ROBO1: variants seen among roughly 807,000 people sequenced by gnomAD.
ROBO1 encodes roundabout homolog 1.
A neutral mutation model predicts 195.9 loss-of-function variants in ROBO1; 149 were observed. That is an observed-to-expected ratio of 0.76 (90% CI 0.67 to 0.87). The LOEUF is 0.87. Among genes scored for constraint, ROBO1 ranks in the 40% least tolerant of loss-of-function variants. ROBO1 has a pLI of 0.00. For synonymous variants in ROBO1, 816 were observed against 733.2 expected, an observed-to-expected ratio of 1.11 and a Z score of -1.82; for missense variants, 1,933 against 2,068.3, an observed-to-expected ratio of 0.93 and a Z score of 1.27.
chr3:79,370,777 T>A (rs1471047482), intron 2 of ROBO1, among the ~76,000 whole-genome samples: 1 of 152,046 alleles, frequency 6.6e-6, no homozygotes, highest in Non-Finnish European at 1.5e-5. Flanking sequence ...TACCACCCCA[T>A]CATCTAGGTT....
intron 2 of ROBO1, among the ~76,000 whole-genome samples, chr3:79,424,042 A>G (rs989595510): frequency 6.6e-5 from 10 of 151,958 alleles, no homozygotes; most frequent in African/African-American, 2.4e-4. Flanking sequence ...TAGACATCAT[A>G]TTTACTCTTG....
intron 5 of ROBO1, among the ~76,000 whole-genome samples, chr3:78,718,356 T>C (rs1162417912): frequency 6.6e-6 from 1 of 152,156 alleles, no homozygotes; most frequent in Non-Finnish European, 1.5e-5. Context: ...TCTAATAACT[T>C]AATTTGCCAG....
At chr3:78,618,178 A>G (rs1704242524) in intron 26 of ROBO1, 137 bp from the exon 27 acceptor site, 5 of 856,140 alleles carry the variant, frequency 5.8e-6, no homozygotes, top group Admixed American at 6.6e-5. Context: ...AAACAACTGA[A>G]TATCACAATA....
At chr3:79,174,994 A>C (rs2108711880) in intron 2 of ROBO1, among the ~76,000 whole-genome samples, 1 of 152,252 alleles carries the variant, frequency 6.6e-6, no homozygotes, top group East Asian at 1.9e-4. Context: ...AGGTAGAAAA[A>C]AGTTATTTTT....
intron 2 of ROBO1, among the ~76,000 whole-genome samples, chr3:79,394,413 T>A (rs1324212166): frequency 6.6e-6 from 1 of 152,014 alleles, no homozygotes; most frequent in East Asian, 1.9e-4. Context: ...AAATTGAATT[T>A]AAAAAATCAA....
At chr3:79,642,974 C>T (rs7431788) in intron 1 of ROBO1, among the ~76,000 whole-genome samples, 86,481 of 151,654 alleles carry the variant, frequency 0.57, 24,891 homozygotes, top group South Asian at 0.67. Flanking sequence ...AATTATTGGT[C>T]CTGGGTTTGT....
chr3:79,184,966 C>T (rs966122116), intron 2 of ROBO1, among the ~76,000 whole-genome samples: 4 of 152,084 alleles, frequency 2.6e-5, no homozygotes, highest in African/African-American at 9.7e-5. Flanking sequence ...TGATAATCAG[C>T]CAGACTCTTC....
At chr3:78,741,781 AC>A (rs1398370994) in intron 5 of ROBO1, among the ~76,000 whole-genome samples, 1 of 152,152 alleles carries the variant, frequency 6.6e-6, no homozygotes, top group African/African-American at 2.4e-5. Context: ...AATCTAGCCT[AC>A]CAGTTAAACT....
rs147224771 is a variant in ROBO1 at position 78,695,098 on chromosome 3, A to G, written c.1046-6326T>C. Among the ~76,000 whole-genome samples, 795 of 123,228 alleles carry G rather than the reference A, an allele frequency of 6.5e-3. 3 individuals carry two copies. The highest frequency in any genetic ancestry group is 0.041 in the Middle Eastern group (6 of 148). The allele number at this position is 123,228 out of a possible 152,430, so 80.8% of individuals were successfully genotyped here. A position where few individuals can be genotyped will look rare whatever the true frequency, so the allele number is the denominator to read the frequency against. On this transcript the variant is annotated intron_variant, in intron 8 of 30. Coordinates refer to ENST00000464233, the MANE Select transcript of ROBO1 (RefSeq NM_002941.4). ...GAATTCTTTTATTAATTAAAATCCA[A>G]TGGGTTTAAGAACTTTAGGCTGGGG...
At chr3:79,057,747 A>C (rs547096857) in intron 3 of ROBO1, among the ~76,000 whole-genome samples, 4 of 151,932 alleles carry the variant, frequency 2.6e-5, no homozygotes, top group African/African-American at 7.2e-5. Flanking sequence ...CTGCTCCACA[A>C]AATTATTCTT....
chr3:78,986,005 T>G (rs1222715683), intron 3 of ROBO1, among the ~76,000 whole-genome samples: 2 of 152,064 alleles, frequency 1.3e-5, no homozygotes, highest in African/African-American at 4.8e-5. Context: ...TTAATGATCA[T>G]GCACAAGAAA....
intron 2 of ROBO1, among the ~76,000 whole-genome samples, chr3:79,417,367 CAT>C (rs1300894251): frequency 4.6e-5 from 7 of 152,130 alleles, no homozygotes; most frequent in Non-Finnish European, 7.4e-5. Context: ...TGCTAACAAT[CAT>C]GTGAGTGAGT....
intron 8 of ROBO1, among the ~76,000 whole-genome samples, chr3:78,706,938 A>G (rs1354083098): frequency 6.6e-6 from 1 of 152,158 alleles, no homozygotes; most frequent in Non-Finnish European, 1.5e-5. Context: ...CAAGTCAAAT[A>G]AAGAATATGA....
At chr3:78,643,979 C>CTA (rs1706126599) in intron 21 of ROBO1, among the ~76,000 whole-genome samples, 1 of 152,054 alleles carries the variant, frequency 6.6e-6, no homozygotes, top group Admixed American at 6.6e-5. Flanking sequence ...GTGTCATTAA[C>CTA]TATGTGAGGT....
At chr3:78,761,345 T>C (rs1245984014) in intron 4 of ROBO1, among the ~76,000 whole-genome samples, 2 of 152,140 alleles carry the variant, frequency 1.3e-5, no homozygotes, top group Admixed American at 1.3e-4. Flanking sequence ...AGGCCCCACT[T>C]GGAACAGCAA....
chr3:79,366,043 C>A (rs1291108039), intron 2 of ROBO1, among the ~76,000 whole-genome samples: 1 of 152,062 alleles, frequency 6.6e-6, no homozygotes, highest in African/African-American at 2.4e-5. Flanking sequence ...CTATACAAAG[C>A]CTTCCTACAG....
intron 2 of ROBO1, among the ~76,000 whole-genome samples, chr3:79,505,139 G>A (rs944214451): frequency 6.6e-6 from 1 of 152,022 alleles, no homozygotes; most frequent in Non-Finnish European, 1.5e-5. Context: ...TGAATTTGCC[G>A]CATTGGAAGA....
intron 4 of ROBO1, among the ~76,000 whole-genome samples, chr3:78,874,828 CAAT>C (rs1409800855): frequency 6.6e-6 from 1 of 151,758 alleles, no homozygotes; most frequent in Non-Finnish European, 1.5e-5. Context: ...GTCAAAATAA[CAAT>C]AAGACTATTG....
chr3:79,152,909 T>C (rs539549008), intron 2 of ROBO1, among the ~76,000 whole-genome samples: 1 of 151,774 alleles, frequency 6.6e-6, no homozygotes, highest in South Asian at 2.1e-4. Context: ...AGGTCCTGAG[T>C]TGGAAAAGAC....
Sources: gnomAD v4.1 joint callset for allele counts (sites outside exome capture counted in the v4.1 genomes callset) on GRCh38, gnomAD v4.1.1 for gene constraint, MANE v1.5 for transcripts, NCBI Gene and HGNC (gene_info 2026-07-23, HGNC 2026-07-21) for gene names.